MSI2: variants seen among roughly 807,000 people sequenced by gnomAD.
MSI2 encodes RNA-binding protein Musashi homolog 2.
MSI2 carries 17 observed loss-of-function variants against 45.6 expected under a neutral mutation model. The observed-to-expected ratio is 0.37, with a 90% confidence interval of 0.26 to 0.56. The LOEUF is 0.56. Among genes scored for constraint, MSI2 ranks in the 20% least tolerant of loss-of-function variants. The pLI is 0.77. For missense variants in MSI2, 293 were observed against 444.2 expected (o/e 0.66, Z 3.06); for synonymous variants, 156 against 158.2 (o/e 0.99, Z 0.11).
At chr17:57,356,666 T>G (rs2143871740) in intron 5 of MSI2, among the ~76,000 whole-genome samples, 1 of 152,342 alleles carries the variant, frequency 6.6e-6, no homozygotes, top group Admixed American at 6.5e-5. Context: ...TTTTCAAATG[T>G]TAATTTCCAG....
At chr17:57,700,196 T>G in the MSI2 span, among the ~76,000 whole-genome samples, 24 of 152,338 alleles carry the variant, frequency 1.6e-4, no homozygotes, top group African/African-American at 5.5e-4. Context: ...TGGGCTCCTG[T>G]GGACTCACAG....
intron 2 of MSI2, 72 bp downstream of exon 2, chr17:57,257,210 G>C: frequency 1.8e-6 from 1 of 569,684 alleles, no homozygotes; most frequent in Non-Finnish European, 2.6e-6. Flanking sequence ...TTATCCCGGT[G>C]TAGGAGCCCC....
chr17:57,283,166 C>T (rs759454109), intron 5 of MSI2, among the ~76,000 whole-genome samples: 4 of 152,100 alleles, frequency 2.6e-5, no homozygotes, highest in Non-Finnish European at 5.9e-5. Flanking sequence ...TGTGCCTCCT[C>T]TCCACTCCCT....
At chr17:57,553,979 G>A (rs1265055052) in intron 7 of MSI2, among the ~76,000 whole-genome samples, 1 of 152,178 alleles carries the variant, frequency 6.6e-6, no homozygotes, top group Non-Finnish European at 1.5e-5. Context: ...CCTGAAAATG[G>A]CAGAGACCTC....
intron 6 of MSI2, among the ~76,000 whole-genome samples, chr17:57,527,203 A>G (rs1567878538): frequency 6.6e-6 from 1 of 152,202 alleles, no homozygotes; most frequent in Non-Finnish European, 1.5e-5. Context: ...CTTAGAAAAT[A>G]TGGAGATGGG....
intron 7 of MSI2, among the ~76,000 whole-genome samples, chr17:57,592,527 C>G (rs1300160355): frequency 6.6e-6 from 1 of 152,152 alleles, no homozygotes; most frequent in Non-Finnish European, 1.5e-5. Flanking sequence ...TTTCTCTGCT[C>G]GGGCCAAACA....
Position 57,633,686 on chromosome 17 carries a change from A to G in MSI2, c.727+6383A>G, listed in dbSNP as rs1280151408. Among the ~76,000 whole-genome samples the G allele has an allele frequency of 2.0e-5, 3 of 152,364 alleles. No individual in the cohort carries two copies. In the South Asian group the frequency reaches 6.2e-4, roughly 32 times the overall value. The stretch of plus-strand genomic sequence containing the variant: ...GGTCCCACTTGGCCACTTAGTAGCC[A>G]TGTGGCCTTGAGCAAGTCATGTATC... On this transcript the variant is annotated intron_variant, in intron 10 of 13. Coordinates refer to ENST00000284073, the MANE Select transcript of MSI2 (RefSeq NM_138962.4).
At chr17:57,516,260 G>C (rs2086467913) in intron 6 of MSI2, among the ~76,000 whole-genome samples, 1 of 152,128 alleles carries the variant, frequency 6.6e-6, no homozygotes, top group African/African-American at 2.4e-5. Flanking sequence ...CAATAATGTT[G>C]TCGTTTTGAG....
intron 5 of MSI2, among the ~76,000 whole-genome samples, chr17:57,273,441 G>A (rs1395834445): frequency 2.1e-5 from 3 of 143,456 alleles, no homozygotes; most frequent in Non-Finnish European, 3.0e-5. Flanking sequence ...GTCCATACAC[G>A]TCCCATATTC....
At chr17:57,701,556 G>A in the MSI2 span, among the ~76,000 whole-genome samples, 1 of 149,894 alleles carries the variant, frequency 6.7e-6, no homozygotes, top group African/African-American at 2.5e-5. Context: ...AGAACTGTGA[G>A]AAATAAATGT....
intron 5 of MSI2, among the ~76,000 whole-genome samples, chr17:57,298,394 G>A (rs760011381): frequency 5.9e-5 from 9 of 152,158 alleles, no homozygotes; most frequent in Non-Finnish European, 1.0e-4. Context: ...AAAATATTCA[G>A]TAAACCATGC....
intron 7 of MSI2, among the ~76,000 whole-genome samples, chr17:57,536,966 AGAGAATGGT>A (rs2086933516): frequency 6.6e-6 from 1 of 152,160 alleles, no homozygotes; most frequent in South Asian, 2.1e-4. Flanking sequence ...GGAATCTGGG[AGAGAATGGT>A]GAGAATGGGG....
intron 5 of MSI2, among the ~76,000 whole-genome samples, chr17:57,377,316 C>T (rs1210231027): frequency 6.6e-6 from 1 of 152,238 alleles, no homozygotes; most frequent in African/African-American, 2.4e-5. Context: ...TAATCTTTAA[C>T]TCTGACTTGA....
At chr17:57,276,539 A>G (rs529358882) in intron 5 of MSI2, among the ~76,000 whole-genome samples, 3 of 152,212 alleles carry the variant, frequency 2.0e-5, no homozygotes, top group African/African-American at 4.8e-5. Context: ...AGGAAGAAAT[A>G]TGCAGAGAAA....
intron 6 of MSI2, among the ~76,000 whole-genome samples, chr17:57,406,093 A>G (rs1372748802): frequency 6.6e-6 from 1 of 152,198 alleles, no homozygotes; most frequent in African/African-American, 2.4e-5. Flanking sequence ...CATTTGTCAA[A>G]AACGTTGATA....
At chr17:57,625,764 G>C (rs1337525972) in intron 9 of MSI2, 2 of 152,266 alleles carry the variant, frequency 1.3e-5, no homozygotes, top group Admixed American at 6.5e-5. Context: ...ATTAGAAGGA[G>C]CTTGGGCAGT....
At chr17:57,499,792 A>G (rs1053401324) in intron 6 of MSI2, among the ~76,000 whole-genome samples, 2 of 152,190 alleles carry the variant, frequency 1.3e-5, no homozygotes. Context: ...GCATCTGTCC[A>G]AGGGATCTCA....
At chr17:57,603,649 G>A (rs1410665463) in intron 8 of MSI2, among the ~76,000 whole-genome samples, 1 of 152,214 alleles carries the variant, frequency 6.6e-6, no homozygotes, top group Admixed American at 6.5e-5. Context: ...TCTGTAACGG[G>A]CCAGAGAGTC....
intron 6 of MSI2, among the ~76,000 whole-genome samples, chr17:57,436,630 A>G (rs1003519880): frequency 6.6e-6 from 1 of 152,214 alleles, no homozygotes; most frequent in Admixed American, 6.5e-5. Flanking sequence ...TGGGCAGCCC[A>G]TGCTCGCCGA....
Sources: allele counts gnomAD v4.1 joint callset (sites outside exome capture counted in the v4.1 genomes callset), GRCh38; gene constraint gnomAD v4.1.1; transcripts MANE v1.5; gene names NCBI Gene and HGNC (gene_info 2026-07-23, HGNC 2026-07-21).